The following MTRF1 variants were observed in gnomAD, a reference collection of about 807,000 sequenced individuals.
The protein encoded by MTRF1 is peptide chain release factor 1, mitochondrial.
In MTRF1, 51 loss-of-function variants were observed where a neutral mutation model predicts 62.9. The observed-to-expected ratio is 0.81, with a 90% CI of 0.65 to 1.02. The LOEUF is 1.02. Among genes scored for constraint, MTRF1 ranks in the 50% least tolerant of loss-of-function variants. MTRF1 has a pLI of 0.00. For synonymous variants in MTRF1, 158 were observed against 181.9 expected (o/e 0.87, Z 1.06); for missense variants, 446 against 530.0 (o/e 0.84, Z 1.56).
chr13:41,221,318 G>A (rs553761872), intron 9 of MTRF1, among the ~76,000 whole-genome samples: 1 of 151,618 alleles, frequency 6.6e-6, no homozygotes, highest in African/African-American at 2.4e-5. Flanking sequence ...CACCATGCCC[G>A]GCTAATTTTT....
the MTRF1 span, among the ~76,000 whole-genome samples, chr13:41,301,409 G>A: frequency 6.6e-6 from 1 of 152,150 alleles, no homozygotes; most frequent in African/African-American, 2.4e-5. Flanking sequence ...TTTTCAGAGG[G>A]GAGAGATGTA....
intron 8 of MTRF1, among the ~76,000 whole-genome samples, chr13:41,223,849 AT>A (rs1304743645): frequency 6.6e-6 from 1 of 151,744 alleles, no homozygotes; most frequent in Non-Finnish European, 1.5e-5. Flanking sequence ...TGCCCTTTCC[AT>A]TTCTCCTCTC....
At chr13:41,305,609 T>G in the MTRF1 span, among the ~76,000 whole-genome samples, 1 of 152,240 alleles carries the variant, frequency 6.6e-6, no homozygotes, top group African/African-American at 2.4e-5. Flanking sequence ...CACCTTTCCC[T>G]TCTATTCCTT....
At chr13:41,262,467 G>C (rs531416737) in intron 1 of MTRF1, 1 of 151,706 alleles carries the variant, frequency 6.6e-6, no homozygotes, top group African/African-American at 2.4e-5. Flanking sequence ...TGCACATGTA[G>C]CATGGAATAC....
chr13:41,309,160 A>G, the MTRF1 span, among the ~76,000 whole-genome samples: 1 of 150,970 alleles, frequency 6.6e-6, no homozygotes, highest in Non-Finnish European at 1.5e-5. Flanking sequence ...TATTGTGAAT[A>G]GTGCTGCGAT....
chr13:41,305,125 T>A, the MTRF1 span, among the ~76,000 whole-genome samples: 2 of 152,356 alleles, frequency 1.3e-5, no homozygotes, highest in South Asian at 4.1e-4. Context: ...TGTGTGATAA[T>A]GGCTCACTGC....
intron 9 of MTRF1, among the ~76,000 whole-genome samples, chr13:41,221,566 T>C (rs2033379347): frequency 6.6e-6 from 1 of 152,216 alleles, no homozygotes. Flanking sequence ...TTCACTACTA[T>C]GGAATGTCTT....
chr13:41,236,686 TAA>T (rs553983981), intron 6 of MTRF1: 24 of 152,298 alleles, frequency 1.6e-4, no homozygotes, highest in African/African-American at 5.5e-4. Flanking sequence ...ACTGAAGAGA[TAA>T]GAGTGACTTA....
chr13:41,254,601 T>C lies in MTRF1; in HGVS notation c.435A>G (p.Glu145=). The C allele has an allele frequency of 6.2e-7, 1 of 1,613,386 alleles. No individual in the cohort carries two copies. Among genetic ancestry groups the C allele is most frequent in the Non-Finnish European group, 8.5e-7 (1 of 1,179,622 alleles). The change falls in exon 3 of 10, where the codon GAA becomes GAG. Residue 145 remains glutamate, a synonymous_variant. Coordinates refer to ENST00000379480, the MANE Select transcript of MTRF1 (RefSeq NM_004294.4). ...SMCKSLNKQD[E]KQLQELALEE... ...CCAGTGCAAGTTCTTGTAACTGCTT[T>C]TCATCTTGTTTATTTAGGCCTAAAA...
the MTRF1 span, among the ~76,000 whole-genome samples, chr13:41,273,454 A>T: frequency 6.6e-6 from 1 of 152,232 alleles, no homozygotes; most frequent in African/African-American, 2.4e-5. Flanking sequence ...GATTGAGGAC[A>T]CGCACCTGTG....
At chr13:41,239,179 T>A (rs1367566081) in intron 6 of MTRF1, among the ~76,000 whole-genome samples, 1 of 151,928 alleles carries the variant, frequency 6.6e-6, no homozygotes, top group African/African-American at 2.4e-5. Context: ...GGCAGGAGGA[T>A]CACCTTGAGC....
the MTRF1 span, among the ~76,000 whole-genome samples, chr13:41,281,226 A>G: frequency 3.9e-5 from 6 of 152,158 alleles, no homozygotes; most frequent in African/African-American, 1.4e-4. Flanking sequence ...TCACTCCTCT[A>G]TCAAACTATT....
the MTRF1 span, among the ~76,000 whole-genome samples, chr13:41,300,312 A>C: frequency 6.6e-6 from 1 of 152,060 alleles, no homozygotes. Flanking sequence ...AGAGGCTGGG[A>C]GCCGTGGCTC....
At chr13:41,250,328 T>C (rs1361019911) in intron 5 of MTRF1, among the ~76,000 whole-genome samples, 1 of 152,180 alleles carries the variant, frequency 6.6e-6, no homozygotes, top group Non-Finnish European at 1.5e-5. Context: ...CTTCTAAACA[T>C]GGCCATTCTC....
At chr13:41,271,768 G>A in the MTRF1 span, among the ~76,000 whole-genome samples, 3 of 152,026 alleles carry the variant, frequency 2.0e-5, no homozygotes. Context: ...GCTGGGAGGA[G>A]CAAAAGCCCT....
Position 41,252,931 on chromosome 13 carries a change from TAAAG to T in MTRF1, c.589+14_589+17del. The T allele has an allele frequency of 6.4e-7, 1 of 1,551,806 alleles. No individual in the cohort carries two copies. Among genetic ancestry groups the T allele is most frequent in the Non-Finnish European group, 8.8e-7 (1 of 1,133,998 alleles). On this transcript the variant is annotated intron_variant, in intron 4 of 9. Transcript: ENST00000379480. ...AGGACTTTTTAGATCATTTAAATAA[TAAAG>T]TAAGTTTACTGACCTCCAGTAGTCC...
At chr13:41,268,380 T>A (rs141252173), upstream of MTRF1, among the ~76,000 whole-genome samples, 491 of 152,236 alleles carry the variant, frequency 3.2e-3, 2 homozygotes, top group African/African-American at 0.011. Flanking sequence ...TTTAGAAAGT[T>A]TGTCAAATAT....
chr13:41,251,480 G>C (rs2039055688), intron 5 of MTRF1, among the ~76,000 whole-genome samples: 2 of 151,938 alleles, frequency 1.3e-5, no homozygotes, highest in South Asian at 4.1e-4. Flanking sequence ...ACAAGCTATG[G>C]GTAAACTGGC....
the MTRF1 span, chr13:41,311,683 C>G: frequency 9.8e-7 from 1 of 1,021,788 alleles, no homozygotes. Context: ...GGCTTGGCCT[C>G]CGCTGCCCAC....
Sources: gnomAD v4.1 joint callset for allele counts (sites outside exome capture counted in the v4.1 genomes callset) on GRCh38, gnomAD v4.1.1 for gene constraint, MANE v1.5 for transcripts, NCBI Gene and HGNC (gene_info 2026-07-23, HGNC 2026-07-21) for gene names.